SLC9A9: variants seen among roughly 807,000 people sequenced by gnomAD.
SLC9A9 encodes the protein solute carrier family 9 member A9, also known as sodium/hydrogen exchanger 9.
A neutral mutation model predicts 77.8 loss-of-function variants in SLC9A9; 62 were observed. The ratio of observed to expected loss-of-function variants is 0.80; its 90% CI spans 0.65 to 0.98. SLC9A9 has a LOEUF of 0.98. Among genes scored for constraint, SLC9A9 ranks in the 50% least tolerant of loss-of-function variants. The pLI, the probability that SLC9A9 is intolerant of heterozygous loss-of-function variation, is 0.00. For missense variants in SLC9A9, 775 were observed against 774.9 expected (o/e 1.00, Z 0.00); for synonymous variants, 320 against 283.5 (o/e 1.13, Z -1.29).
At chr3:143,839,309 C>G (rs1436310080) in intron 1 of SLC9A9, among the ~76,000 whole-genome samples, 1 of 152,168 alleles carries the variant, frequency 6.6e-6, no homozygotes, top group Admixed American at 6.5e-5. Context: ...ATTAAGAGAA[C>G]CTCATTAAAT....
intron 1 of SLC9A9, among the ~76,000 whole-genome samples, chr3:143,845,460 TGAA>T (rs1034249220): frequency 2.0e-5 from 3 of 152,210 alleles, no homozygotes; most frequent in Non-Finnish European, 4.4e-5. Context: ...AGGACATCCC[TGAA>T]GAAGAAATGT....
chr3:143,800,479 A>G (rs1231487781), intron 2 of SLC9A9, among the ~76,000 whole-genome samples: 1 of 152,144 alleles, frequency 6.6e-6, no homozygotes, highest in Non-Finnish European at 1.5e-5. Context: ...CCAAACCCAT[A>G]TACTCTTTTG....
chr3:143,363,676 G>A (rs2108484348), intron 13 of SLC9A9, 113 bp from the exon 14 acceptor site: 1 of 948,486 alleles, frequency 1.1e-6, no homozygotes, highest in South Asian at 1.5e-5. Context: ...ACCTTTCTAA[G>A]TATAGGCATT....
At chr3:143,320,553 A>G (rs1409110589) in intron 14 of SLC9A9, among the ~76,000 whole-genome samples, 1 of 152,164 alleles carries the variant, frequency 6.6e-6, no homozygotes, top group Non-Finnish European at 1.5e-5. Flanking sequence ...GGCACAGCAC[A>G]TGGTGGAGGG....
chr3:143,582,276 C>T (rs2037468716), intron 6 of SLC9A9, among the ~76,000 whole-genome samples: 1 of 152,164 alleles, frequency 6.6e-6, no homozygotes, highest in Admixed American at 6.5e-5. Context: ...TCATTTACCT[C>T]ATCTGTAAAA....
intron 14 of SLC9A9, among the ~76,000 whole-genome samples, chr3:143,294,756 G>A (rs2030173937): frequency 6.6e-6 from 1 of 152,162 alleles, no homozygotes; most frequent in African/African-American, 2.4e-5. Context: ...TGAAAGAACT[G>A]AGTGGTTAAA....
intron 12 of SLC9A9, among the ~76,000 whole-genome samples, chr3:143,387,079 G>C (rs1030306202): frequency 1.3e-5 from 2 of 152,186 alleles, no homozygotes; most frequent in African/African-American, 2.4e-5. Flanking sequence ...GGGCTCAAGT[G>C]ATCCATCCAC....
At chr3:143,813,080 G>T (rs1446575767) in intron 2 of SLC9A9, among the ~76,000 whole-genome samples, 1 of 152,078 alleles carries the variant, frequency 6.6e-6, no homozygotes, top group Admixed American at 6.6e-5. Context: ...TGTGTACCGA[G>T]TAAGGGACTA....
At chr3:143,823,232 C>T (rs1052469770) in intron 2 of SLC9A9, among the ~76,000 whole-genome samples, 1 of 152,138 alleles carries the variant, frequency 6.6e-6, no homozygotes, top group Non-Finnish European at 1.5e-5. Context: ...AGACTGTAGA[C>T]AAGTGACATT....
intron 4 of SLC9A9, among the ~76,000 whole-genome samples, chr3:143,733,181 C>G (rs556453188): frequency 1.4e-4 from 21 of 151,966 alleles, no homozygotes; most frequent in Non-Finnish European, 1.9e-4. Flanking sequence ...GCTTTTGAGT[C>G]TTTTCTCAAA....
chr3:143,610,326 C>T (rs974816392), intron 6 of SLC9A9, among the ~76,000 whole-genome samples: 3 of 151,854 alleles, frequency 2.0e-5, no homozygotes, highest in Admixed American at 2.0e-4. Flanking sequence ...TTTTAATTTG[C>T]AGTAGAGAAG....
chr3:143,476,724 G>A (rs2035484459), intron 11 of SLC9A9, among the ~76,000 whole-genome samples: 1 of 152,188 alleles, frequency 6.6e-6, no homozygotes, highest in African/African-American at 2.4e-5. Flanking sequence ...TTAGGTCAGT[G>A]TTTTCTTTTA....
At chr3:143,450,052 C>CACATATATAATATGTATATATAATATA (rs2034973428) in intron 12 of SLC9A9, among the ~76,000 whole-genome samples, 2 of 67,750 alleles carry the variant, frequency 3.0e-5, no homozygotes, top group Non-Finnish European at 4.8e-5. Flanking sequence ...TATATATACA[C>CACATATATAATATGTATATATAATATA]ACATATATAA....
intron 12 of SLC9A9, among the ~76,000 whole-genome samples, chr3:143,412,251 C>T (rs1332069795): frequency 6.6e-6 from 1 of 152,086 alleles, no homozygotes; most frequent in African/African-American, 2.4e-5. Flanking sequence ...CTGACAGGTC[C>T]TCTGGACTCT....
intron 12 of SLC9A9, among the ~76,000 whole-genome samples, chr3:143,383,646 T>C (rs915204218): frequency 6.6e-6 from 1 of 152,170 alleles, no homozygotes; most frequent in African/African-American, 2.4e-5. Context: ...ACTTCCTCTG[T>C]TTCCAGAGAG....
intron 4 of SLC9A9, among the ~76,000 whole-genome samples, chr3:143,793,127 T>C (rs1039009332): frequency 6.6e-6 from 1 of 152,190 alleles, no homozygotes; most frequent in Non-Finnish European, 1.5e-5. Context: ...CCATTATAAG[T>C]TGTTGGACAA....
intron 1 of SLC9A9, among the ~76,000 whole-genome samples, chr3:143,832,752 A>T (rs2009469679): frequency 6.6e-6 from 1 of 151,476 alleles, no homozygotes; most frequent in Non-Finnish European, 1.5e-5. Context: ...TGTGACCATA[A>T]GTAGATCCAG....
intron 1 of SLC9A9, among the ~76,000 whole-genome samples, chr3:143,833,284 G>C (rs111384219): frequency 1.2e-3 from 187 of 152,136 alleles, no homozygotes; most frequent in Non-Finnish European, 1.6e-3. Context: ...AAACATTTTT[G>C]GGGTGCATAT....
rs768762726 is a variant in SLC9A9, at chr3:143,382,084, C to T, written c.1500G>A (p.Lys500=). The T allele has an allele frequency of 5.6e-6, 9 of 1,613,952 alleles. No homozygotes were observed. The African/African-American group carries it at 1.1e-4, about 19-fold the overall frequency. The stretch of plus-strand genomic sequence containing the variant: ...CCTGGTGTTGTGAGGAGGGGTCCTC[C>T]TTCAGATTTTCATCCAGGTCCACGC... ...RVGVDLDENL[K]EDPSSQHQEA... The change falls in exon 13 of 16, where the codon AAG becomes AAA. Residue 500 remains lysine (K), a synonymous_variant. Transcript: ENST00000316549.
Sources: allele counts gnomAD v4.1 joint callset (sites outside exome capture counted in the v4.1 genomes callset), GRCh38; gene constraint gnomAD v4.1.1; transcripts MANE v1.5; gene names NCBI Gene and HGNC (gene_info 2026-07-23, HGNC 2026-07-21).